The following HIVEP3 variants were observed in gnomAD, a reference collection of about 807,000 sequenced individuals.
HIVEP3 encodes the protein transcription factor HIVEP3.
Under a neutral mutation model 152.8 loss-of-function variants are expected in HIVEP3, and 49 were observed. The ratio of observed to expected loss-of-function variants is 0.32; its 90% CI spans 0.26 to 0.41. The LOEUF (loss-of-function observed/expected upper bound fraction) is 0.41. HIVEP3 is among the 10% of genes least tolerant of loss of function. HIVEP3 has a pLI of 1.00. For synonymous variants in HIVEP3, 1,269 were observed against 1,289.0 expected (o/e 0.98, Z 0.33); for missense variants, 2,790 against 3,103.3 (o/e 0.90, Z 2.40).
In HIVEP3 at chr1:41,862,464, T is replaced by C. The variant is rs141751843; in HGVS notation, c.-801+55949A>G. ...GCTTCAGTGTGTAAGAACTGAGTCA[T>C]TGTTTTCTTTTCTCCTCCCCTCTCC... On this transcript the variant is annotated intron_variant, in intron 1 of 8. Transcript: ENST00000372583. 3.3e-3 allele frequency among the ~76,000 whole-genome samples: 497 copies of C among 152,316 alleles called. 2 individuals carry two copies. Among genetic ancestry groups the C allele is most frequent in the African/African-American group, 0.011 (461 of 41,562 alleles).
chr1:41,698,340 A>C (rs1387287850), intron 2 of HIVEP3, among the ~76,000 whole-genome samples: 1 of 151,950 alleles, frequency 6.6e-6, no homozygotes, highest in African/African-American at 2.4e-5. Context: ...AAGTTTATTC[A>C]TCTCCATCCC....
chr1:41,641,086 T>C (rs746914012), intron 2 of HIVEP3, among the ~76,000 whole-genome samples: 3 of 152,200 alleles, frequency 2.0e-5, no homozygotes, highest in Non-Finnish European at 4.4e-5. Context: ...TTACTTCTGA[T>C]CTTTTAGCTT....
intron 1 of HIVEP3, among the ~76,000 whole-genome samples, chr1:41,950,037 C>T (rs986583226): frequency 2.2e-4 from 34 of 152,126 alleles, no homozygotes; most frequent in Non-Finnish European, 3.8e-4. Flanking sequence ...AATCCCTAAG[C>T]CTAGCTAGGA....
At chr1:41,755,394 T>C (rs1647263675) in intron 1 of HIVEP3, among the ~76,000 whole-genome samples, 1 of 151,842 alleles carries the variant, frequency 6.6e-6, no homozygotes, top group East Asian at 1.9e-4. Context: ...TAGAGCCCAG[T>C]GAAGAGTCTT....
At chr1:41,512,250 G>C (rs1642448696) in intron 8 of HIVEP3, among the ~76,000 whole-genome samples, 1 of 152,142 alleles carries the variant, frequency 6.6e-6, no homozygotes, top group South Asian at 2.1e-4. Flanking sequence ...TCATGGGGAC[G>C]GATCCCTCAG....
At chr1:41,528,560 A>C (rs1198816965) in intron 5 of HIVEP3, among the ~76,000 whole-genome samples, 2 of 9,076 alleles carry the variant, frequency 2.2e-4, no homozygotes, top group Non-Finnish European at 2.0e-4. Flanking sequence ...ACCCTCACAC[A>C]CCCCACCCTC....
intron 1 of HIVEP3, among the ~76,000 whole-genome samples, chr1:41,911,054 T>C (rs1056377703): frequency 6.6e-6 from 1 of 151,992 alleles, no homozygotes; most frequent in African/African-American, 2.4e-5. Context: ...GTAAAGATAC[T>C]AAAAAAGATG....
intron 7 of HIVEP3, among the ~76,000 whole-genome samples, chr1:41,516,821 C>T (rs562884171): frequency 2.6e-4 from 40 of 152,368 alleles, no homozygotes; most frequent in Middle Eastern, 3.4e-3. Context: ...CCGGTTCCTC[C>T]GGGTGGGTTC....
At chr1:41,648,306 C>A (rs1169669356) in intron 2 of HIVEP3, among the ~76,000 whole-genome samples, 2 of 152,222 alleles carry the variant, frequency 1.3e-5, no homozygotes, top group African/African-American at 2.4e-5. Context: ...GGGCACTGAG[C>A]AAAGTATTAA....
chr1:41,550,467 G>A (rs1247408294), intron 5 of HIVEP3, among the ~76,000 whole-genome samples: 4 of 152,154 alleles, frequency 2.6e-5, no homozygotes, highest in African/African-American at 9.7e-5. Flanking sequence ...TGGGCAGTAT[G>A]GCCATTTTCA....
At position 41,777,934 on chromosome 1, in the gene HIVEP3, G is replaced by T. The variant is rs1324497470; in HGVS notation, c.-800-76939C>A. On this transcript the variant is annotated intron_variant, in intron 1 of 8. Transcript: ENST00000372583. Reference sequence around the variant, plus strand: ...TCAGATTACCGCGTGCTTCACGCATGGTGTGGTGGAGCTTGCAACGTCACA... The same window carrying T: ...TCAGATTACCGCGTGCTTCACGCATTGTGTGGTGGAGCTTGCAACGTCACA... Among the ~76,000 whole-genome samples the T allele has an allele frequency of 2.0e-5, 3 of 152,334 alleles. No individual in the cohort carries two copies. The South Asian group carries it at 6.2e-4, about 32-fold the overall frequency.
rs565234692 is a variant in HIVEP3, at chr1:41,642,086, T to C, written c.-720-13139A>G. Among the ~76,000 whole-genome samples, 5 of 152,274 alleles carry C rather than the reference T, an allele frequency of 3.3e-5. No individual in the cohort carries two copies. The East Asian group carries it at 9.6e-4, about 29-fold the overall frequency. On this transcript the variant is annotated intron_variant, in intron 2 of 8. Coordinates refer to ENST00000372583, the MANE Select transcript of HIVEP3 (RefSeq NM_024503.5). ...CCATGTTAATGAATGGACAAGGATT[T>C]CCTGCCCCCACCCTGGCTCAGACCC... is the stretch of plus-strand genomic sequence containing the variant.
intron 1 of HIVEP3, among the ~76,000 whole-genome samples, chr1:41,790,908 TC>T (rs1191721728): frequency 6.6e-6 from 1 of 152,124 alleles, no homozygotes; most frequent in East Asian, 1.9e-4. Context: ...ACCATTTTCT[TC>T]CCCACATTGG....
intron 3 of HIVEP3, among the ~76,000 whole-genome samples, chr1:41,614,697 A>G (rs79462207): frequency 0.024 from 3,697 of 152,332 alleles, 153 homozygotes; most frequent in African/African-American, 0.084. Flanking sequence ...GAAAGACCAG[A>G]AGGGATGGAA....
intron 1 of HIVEP3, among the ~76,000 whole-genome samples, chr1:42,010,600 C>T (rs887380194): frequency 2.0e-5 from 3 of 152,168 alleles, no homozygotes; most frequent in Non-Finnish European, 4.4e-5. Flanking sequence ...AGATGACTTT[C>T]CTTTCTACCC....
At chr1:41,736,275 G>A (rs1329213730) in intron 1 of HIVEP3, among the ~76,000 whole-genome samples, 4 of 152,158 alleles carry the variant, frequency 2.6e-5, no homozygotes, top group African/African-American at 7.2e-5. Flanking sequence ...CATCCCCCGT[G>A]GTGTTCAGAT....
intron 3 of HIVEP3, among the ~76,000 whole-genome samples, chr1:41,585,839 G>A (rs1228560741): frequency 6.6e-6 from 1 of 152,174 alleles, no homozygotes; most frequent in Non-Finnish European, 1.5e-5. Context: ...GGAGGGAAGT[G>A]CCTGTGGTTT....
intron 5 of HIVEP3, among the ~76,000 whole-genome samples, chr1:41,527,255 AC>A (rs1298950903): frequency 1.6e-4 from 8 of 51,496 alleles, no homozygotes; most frequent in Non-Finnish European, 2.2e-4. Flanking sequence ...ACACACACAC[AC>A]CCTCACATGC....
chr1:41,548,541 G>T (rs560662100), intron 5 of HIVEP3, among the ~76,000 whole-genome samples: 127 of 148,404 alleles, frequency 8.6e-4, no homozygotes, highest in Admixed American at 2.4e-3. Context: ...TTTTGGGTTT[G>T]TTTTTTTTTT....
Sources: gnomAD v4.1 joint callset for allele counts (sites outside exome capture counted in the v4.1 genomes callset) on GRCh38, gnomAD v4.1.1 for gene constraint, MANE v1.5 for transcripts, NCBI Gene and HGNC (gene_info 2026-07-23, HGNC 2026-07-21) for gene names.